The following WDR25 variants were observed in gnomAD, a reference collection of about 807,000 sequenced individuals.
The protein encoded by WDR25 is WD repeat domain 25, also known as WD repeat-containing protein 25.
Under a neutral mutation model 47.7 loss-of-function variants are expected in WDR25, and 35 were observed. The observed-to-expected ratio is 0.73, with a 90% confidence interval of 0.56 to 0.97. WDR25 has a LOEUF of 0.97. Among genes scored for constraint, WDR25 ranks in the 50% least tolerant of loss-of-function variants. The pLI is 0.00. For missense variants in WDR25, 634 were observed against 704.7 expected (o/e 0.90, Z 1.14); for synonymous variants, 248 against 278.9 (o/e 0.89, Z 1.10).
chr14:100,383,595 G>T (rs1277834838), intron 2 of WDR25, among the ~76,000 whole-genome samples: 1 of 152,262 alleles, frequency 6.6e-6, no homozygotes, highest in African/African-American at 2.4e-5. Flanking sequence ...ACTGGCCTTC[G>T]CCTGGTGGCG....
chr14:100,412,206 C>CAAACAA (rs1897730151), intron 2 of WDR25, among the ~76,000 whole-genome samples: 1 of 54,196 alleles, frequency 1.8e-5, no homozygotes, highest in Non-Finnish European at 3.9e-5. Context: ...GACCCTGTCT[C>CAAACAA]AAAAAAAAAA....
At chr14:100,385,218 G>A (rs1415831404) in intron 2 of WDR25, among the ~76,000 whole-genome samples, 1 of 152,158 alleles carries the variant, frequency 6.6e-6, no homozygotes, top group African/African-American at 2.4e-5. Flanking sequence ...GCACAAAATT[G>A]TGTACATGTT....
At chr14:100,527,686 C>T (rs983532897) in intron 5 of WDR25, among the ~76,000 whole-genome samples, 4 of 152,180 alleles carry the variant, frequency 2.6e-5, no homozygotes, top group African/African-American at 9.7e-5. Flanking sequence ...GATGAAGGTG[C>T]CTTGCGCCTG....
intron 2 of WDR25, among the ~76,000 whole-genome samples, chr14:100,394,517 A>G (rs1250594940): frequency 6.6e-6 from 1 of 152,224 alleles, no homozygotes; most frequent in East Asian, 1.9e-4. Context: ...ATGGCTGTCC[A>G]GCCATCAGTT....
rs1457491973 is a variant in WDR25, at chr14:100,449,655, A to G, written c.823-18366A>G. On this transcript the variant is annotated intron_variant, in intron 2 of 6. Coordinates refer to ENST00000402312, the MANE Select transcript of WDR25 (RefSeq NM_001161476.3). This position sits in a 1 kb window ranked among gnomAD's most constrained non-coding sequence, Gnocchi z 4.2. ...AACTAAATCAGGTGATGCTTCCAGGAGCCCCCACTCAGTAACTGCTGAGAG... is the reference window on the plus strand; with the variant it reads ...AACTAAATCAGGTGATGCTTCCAGGGGCCCCCACTCAGTAACTGCTGAGAG... Among the ~76,000 whole-genome samples, 17 of 152,174 alleles carry G rather than the reference A, an allele frequency of 1.1e-4. No individual in the cohort carries two copies. Among genetic ancestry groups the G allele is most frequent in the Admixed American group, 1.1e-3 (17 of 15,278 alleles).
At chr14:100,490,095 A>G (rs759446125) in intron 4 of WDR25, among the ~76,000 whole-genome samples, 9 of 152,140 alleles carry the variant, frequency 5.9e-5, no homozygotes, top group Non-Finnish European at 1.0e-4. Context: ...ACGTGTCCTA[A>G]CATGCAGGTG....
chr14:100,529,939 G>A lies in WDR25; in HGVS notation c.1533G>A (p.Leu511=), dbSNP rs772178492. Residue 511 remains leucine (L), a synonymous_variant, in exon 7 of 7, where the codon CTG becomes CTA. Coordinates refer to ENST00000402312, the MANE Select transcript of WDR25 (RefSeq NM_001161476.3). The surrounding 1 kb of genome is among the most constrained non-coding windows in gnomAD (Gnocchi z 5.1). Reference sequence around the variant, plus strand: ...GCACAGCCAGCCGAGCATGCACACTGCAGGGGCACACACAGGCCTGTGTCG... The same window carrying A: ...GCACAGCCAGCCGAGCATGCACACTACAGGGGCACACACAGGCCTGTGTCG... ...SFRTASRACT[L]QGHTQACVGT... 8.1e-6 allele frequency: 13 copies of A among 1,613,540 alleles called. No homozygotes were observed. The South Asian group carries it at 1.1e-4, about 14-fold the overall frequency.
chr14:100,391,361 C>T (rs1897141464), intron 2 of WDR25, among the ~76,000 whole-genome samples: 1 of 152,160 alleles, frequency 6.6e-6, no homozygotes, highest in Non-Finnish European at 1.5e-5. Context: ...GATCGATGGG[C>T]ATATTAAGGA....
intron 2 of WDR25, among the ~76,000 whole-genome samples, chr14:100,461,752 G>T (rs1053524217): frequency 6.6e-5 from 10 of 152,284 alleles, no homozygotes; most frequent in African/African-American, 2.4e-4. Context: ...ACTGTCAAGA[G>T]GTGGGATGAG....
chr14:100,517,141 A>T (rs1901531473), intron 4 of WDR25, among the ~76,000 whole-genome samples: 1 of 102,250 alleles, frequency 9.8e-6, no homozygotes, highest in Non-Finnish European at 1.8e-5. Context: ...TTTGAGACGG[A>T]GTCTCGCTCT....
Position 100,465,255 on chromosome 14 carries a change from A to G in WDR25, c.823-2766A>G, listed in dbSNP as rs1436191298. On this transcript the variant is annotated intron_variant, in intron 2 of 6. Transcript: ENST00000402312. Reference sequence around the variant, plus strand: ...TTCACCGCTATTAAGCATACAGGTCAGTGGCATTAAGCACATTCACAGTGT... The same window carrying G: ...TTCACCGCTATTAAGCATACAGGTCGGTGGCATTAAGCACATTCACAGTGT... Among the ~76,000 whole-genome samples, 3 of 152,218 alleles carry G rather than the reference A, an allele frequency of 2.0e-5. 1 individual carries two copies. The highest frequency in any genetic ancestry group is 4.4e-5 in the Non-Finnish European group (3 of 68,046).
At chr14:100,495,017 A>G (rs1430348123) in intron 4 of WDR25, among the ~76,000 whole-genome samples, 1 of 152,226 alleles carries the variant, frequency 6.6e-6, no homozygotes, top group East Asian at 1.9e-4. Flanking sequence ...TCCTGACTCT[A>G]CAAAGATAAA....
rs2030047461 is a variant in WDR25, at chr14:100,525,031, C to A, written c.1102-839C>A. ...TTATGCTGCAGCCACATGGTGGCGG[C>A]CCAGGAACTGGTAAAGGGACCGGCC... On this transcript the variant is annotated intron_variant, in intron 4 of 6. Transcript: ENST00000402312. This position sits in a 1 kb window ranked among gnomAD's most constrained non-coding sequence, Gnocchi z 4.6. Among the ~76,000 whole-genome samples, 1 of 152,180 alleles carries A rather than the reference C, an allele frequency of 6.6e-6. No individual in the cohort carries two copies. Among genetic ancestry groups the A allele is most frequent in the African/African-American group, 2.4e-5 (1 of 41,438 alleles).
chr14:100,446,184 C>T (rs1049094816), intron 2 of WDR25, among the ~76,000 whole-genome samples: 11 of 152,160 alleles, frequency 7.2e-5, no homozygotes, highest in Admixed American at 2.0e-4. Flanking sequence ...TGAGCTCCTG[C>T]CCCTGGGGTC....
chr14:100,446,610 A>T (rs1483855895), intron 2 of WDR25, among the ~76,000 whole-genome samples: 1 of 152,160 alleles, frequency 6.6e-6, no homozygotes, highest in Admixed American at 6.5e-5. Context: ...TAAGTAACAC[A>T]ATACCAATCA....
intron 1 of WDR25, among the ~76,000 whole-genome samples, chr14:100,377,912 C>T (rs1896757511): frequency 1.3e-5 from 2 of 152,118 alleles, no homozygotes; most frequent in Admixed American, 6.5e-5. Context: ...CTGACTCCAC[C>T]TGTTGGGGGA....
intron 2 of WDR25, among the ~76,000 whole-genome samples, chr14:100,417,451 A>G (rs1897900568): frequency 6.6e-6 from 1 of 152,024 alleles, no homozygotes; most frequent in South Asian, 2.1e-4. Context: ...CTTTCCCATG[A>G]CCTAGGTGCC....
intron 2 of WDR25, among the ~76,000 whole-genome samples, chr14:100,451,847 A>G (rs1212931726): frequency 1.3e-5 from 2 of 152,334 alleles, no homozygotes; most frequent in East Asian, 3.9e-4. Flanking sequence ...TCTCATGACT[A>G]AAGGATACTA....
At chr14:100,463,561 A>T (rs187165010) in intron 2 of WDR25, among the ~76,000 whole-genome samples, 21 of 152,198 alleles carry the variant, frequency 1.4e-4, no homozygotes, top group Admixed American at 5.9e-4. Flanking sequence ...TCCTGTCTGC[A>T]CTTGCTCCCT....
Sources: allele counts gnomAD v4.1 joint callset (sites outside exome capture counted in the v4.1 genomes callset), GRCh38; gene constraint gnomAD v4.1.1; non-coding constraint Gnocchi (gnomAD v3.1); transcripts MANE v1.5; gene names NCBI Gene and HGNC (gene_info 2026-07-23, HGNC 2026-07-21).